Variants in SRPK2 observed in about 807,000 individuals in gnomAD.
The protein encoded by SRPK2 is SRSF protein kinase 2.
A neutral mutation model predicts 90.8 loss-of-function variants in SRPK2; 21 were observed. The ratio of observed to expected loss-of-function variants is 0.23; its 90% CI spans 0.16 to 0.33. The LOEUF (loss-of-function observed/expected upper bound fraction) is 0.33, where lower values mean the gene tolerates loss of function less well. Ranked by LOEUF, SRPK2 falls within the 10% of genes least tolerant of loss-of-function variation. The probability of loss-of-function intolerance (pLI) is 1.00; values close to 1 mark genes in which losing one functional copy is unlikely to be tolerated. For synonymous variants in SRPK2, 288 were observed against 311.1 expected, an observed-to-expected ratio of 0.93 and a Z score of 0.78; for missense variants, 620 against 869.0, an observed-to-expected ratio of 0.71 and a Z score of 3.60.
intron 2 of SRPK2, among the ~76,000 whole-genome samples, chr7:105,388,136 G>A (rs1184497489): frequency 6.6e-6 from 1 of 152,070 alleles, no homozygotes; most frequent in Non-Finnish European, 1.5e-5. Flanking sequence ...CAGCAGAAAG[G>A]CCGACAGGCG....
intron 2 of SRPK2, chr7:105,244,982 T>C: frequency 1.7e-6 from 2 of 1,143,648 alleles, no homozygotes; most frequent in East Asian, 2.5e-5. Context: ...CCCCCTTCCC[T>C]GCCCTCTCCC....
intron 2 of SRPK2, among the ~76,000 whole-genome samples, chr7:105,280,896 G>A (rs1222760751): frequency 2.4e-5 from 3 of 125,852 alleles, no homozygotes; most frequent in East Asian, 5.7e-4. Context: ...GCAGTGAGCC[G>A]AGATAGCGCC....
Position 105,388,774 on chromosome 7 carries a change from C to G in SRPK2, c.16+17G>C. The G allele has an allele frequency of 1.3e-6, 2 of 1,509,670 alleles. No individual in the cohort carries two copies. The allele number at this position is 1,509,670 out of a possible 1,614,324, so 93.5% of individuals were successfully genotyped here. On this transcript the variant is annotated intron_variant, in intron 1 of 15. Coordinates refer to ENST00000393651, the MANE Select transcript of SRPK2 (RefSeq NM_182692.3). ...CTGGCCGCGTGGCGGGGAGAGGGCG[C>G]GCCGCGGGCCACTCACCTTTCCGGG...
At chr7:105,311,199 AT>A (rs1368244974) in intron 2 of SRPK2, among the ~76,000 whole-genome samples, 1 of 149,170 alleles carries the variant, frequency 6.7e-6, no homozygotes, top group Admixed American at 6.6e-5. Flanking sequence ...CAACAAAAAA[AT>A]AAATAACCCA....
At chr7:105,248,731 G>T (rs893769268) in intron 2 of SRPK2, among the ~76,000 whole-genome samples, 2 of 152,146 alleles carry the variant, frequency 1.3e-5, no homozygotes, top group Non-Finnish European at 2.9e-5. Flanking sequence ...CACGAGGTCA[G>T]GAGATTGAGA....
chr7:105,386,011 T>C (rs1821538717), intron 2 of SRPK2, among the ~76,000 whole-genome samples: 2 of 152,276 alleles, frequency 1.3e-5, no homozygotes, highest in Admixed American at 6.5e-5. Context: ...AGGAGCTTTG[T>C]CTTGTTCAAA....
At chr7:105,199,319 T>C (rs1795273140) in intron 3 of SRPK2, among the ~76,000 whole-genome samples, 1 of 152,128 alleles carries the variant, frequency 6.6e-6, no homozygotes. Flanking sequence ...TAATTGTATT[T>C]TGAGGAAACT....
At chr7:105,290,560 C>T (rs80097329) in intron 2 of SRPK2, among the ~76,000 whole-genome samples, 2,155 of 152,132 alleles carry the variant, frequency 0.014, 32 homozygotes, top group African/African-American at 0.036. Context: ...AAGTATAGGT[C>T]GGGCCACATC....
intron 2 of SRPK2, among the ~76,000 whole-genome samples, chr7:105,335,962 A>G (rs11505721): frequency 1.4e-3 from 210 of 152,200 alleles, no homozygotes; most frequent in African/African-American, 4.8e-3. Context: ...ATCTAAAAAA[A>G]AAAAAACTTT....
At chr7:105,354,228 C>G (rs1398607466) in intron 2 of SRPK2, among the ~76,000 whole-genome samples, 1 of 152,172 alleles carries the variant, frequency 6.6e-6, no homozygotes, top group Non-Finnish European at 1.5e-5. Context: ...CCACAGAGCC[C>G]TATGTCCTCC....
chr7:105,119,729 C>T (rs1426362973), intron 15 of SRPK2, among the ~76,000 whole-genome samples: 1 of 152,236 alleles, frequency 6.6e-6, no homozygotes, highest in Non-Finnish European at 1.5e-5. Flanking sequence ...AGGTTTATCC[C>T]TCTAAGCCTG....
intron 2 of SRPK2, among the ~76,000 whole-genome samples, chr7:105,352,679 T>C (rs375934358): frequency 1.3e-5 from 2 of 152,224 alleles, no homozygotes; most frequent in Admixed American, 6.5e-5. Context: ...GTGGGCAGAT[T>C]ACTTGAGGTC....
Position 105,176,689 on chromosome 7 carries a change from GTACA to G in SRPK2, c.230-7428_230-7425del, listed in dbSNP as rs199917111. Among the ~76,000 whole-genome samples, 454 of 103,426 alleles carry G rather than the reference GTACA, an allele frequency of 4.4e-3. 13 individuals carry two copies. In the East Asian group the frequency reaches 0.066, roughly 15 times the overall value. 67.9% of individuals were successfully genotyped at this position (103,426 alleles called of 152,430 possible). On this transcript the variant is annotated intron_variant, in intron 3 of 15. Coordinates refer to ENST00000393651, the MANE Select transcript of SRPK2 (RefSeq NM_182692.3). ...TATATAGATGTATGCATGTGTGTGT[GTACA>G]TATATATGTATGTGTATGTGTGTGT... is the stretch of plus-strand genomic sequence containing the variant.
At chr7:105,222,888 A>G (rs1798274992) in intron 2 of SRPK2, among the ~76,000 whole-genome samples, 2 of 152,240 alleles carry the variant, frequency 1.3e-5, no homozygotes, top group African/African-American at 4.8e-5. Flanking sequence ...ACTGATGAAA[A>G]AAAAACAGCT....
chr7:105,129,407 C>A (rs569827732), intron 13 of SRPK2, among the ~76,000 whole-genome samples: 7 of 152,144 alleles, frequency 4.6e-5, no homozygotes, highest in African/African-American at 1.7e-4. Flanking sequence ...CCAGTATAAC[C>A]TTCTATTGCC....
intron 2 of SRPK2, among the ~76,000 whole-genome samples, chr7:105,306,076 T>C (rs6953948): frequency 0.1 from 15,435 of 152,228 alleles, 2,595 homozygotes; most frequent in African/African-American, 0.35. Context: ...TGGGGTGGCA[T>C]GCTCTGGTCC....
chr7:105,203,236 C>T (rs1388029157), intron 3 of SRPK2, among the ~76,000 whole-genome samples: 1 of 152,094 alleles, frequency 6.6e-6, no homozygotes, highest in Non-Finnish European at 1.5e-5. Flanking sequence ...GCGATCTGCC[C>T]ACCTCGACCT....
At chr7:105,280,296 T>C (rs1807092693) in intron 2 of SRPK2, among the ~76,000 whole-genome samples, 1 of 151,858 alleles carries the variant, frequency 6.6e-6, no homozygotes, top group African/African-American at 2.4e-5. Context: ...ACACCTGTCA[T>C]CCCAGCTACT....
chr7:105,291,002 C>T (rs1389829556), intron 2 of SRPK2, among the ~76,000 whole-genome samples: 2 of 138,376 alleles, frequency 1.4e-5, no homozygotes, highest in African/African-American at 5.5e-5. Flanking sequence ...TGCGCCACTG[C>T]AGTCCGCAGT....
Sources: gnomAD v4.1 joint callset for allele counts (sites outside exome capture counted in the v4.1 genomes callset) on GRCh38, gnomAD v4.1.1 for gene constraint, MANE v1.5 for transcripts, NCBI Gene and HGNC (gene_info 2026-07-23, HGNC 2026-07-21) for gene names.